Variants in SNTG2 observed in about 807,000 individuals in gnomAD.
The protein encoded by SNTG2 is syntrophin gamma 2.
Under a neutral mutation model 70.9 loss-of-function variants are expected in SNTG2, and 74 were observed. That is an observed-to-expected ratio of 1.04 (90% CI 0.86 to 1.27). SNTG2 has a LOEUF of 1.27. Ranked by LOEUF, SNTG2 falls within the 50% of genes most tolerant of loss-of-function variation. The pLI, the probability that SNTG2 is intolerant of heterozygous loss-of-function variation, is 0.00. For missense variants in SNTG2, 717 were observed against 690.7 expected, an observed-to-expected ratio of 1.04 and a Z score of -0.43; for synonymous variants, 278 against 273.8, an observed-to-expected ratio of 1.02 and a Z score of -0.15.
intron 6 of SNTG2, among the ~76,000 whole-genome samples, chr2:1,145,583 G>A (rs906316989): frequency 6.6e-6 from 1 of 152,194 alleles, no homozygotes; most frequent in African/African-American, 2.4e-5. Flanking sequence ...CAAACAGAAA[G>A]TGCCAGGCCA....
chr2:1,134,879 G>C (rs1172892452), intron 4 of SNTG2, among the ~76,000 whole-genome samples: 1 of 152,208 alleles, frequency 6.6e-6, no homozygotes, highest in African/African-American at 2.4e-5. Context: ...CGGGGAGGCA[G>C]CTAAGGCCCC....
intron 1 of SNTG2, among the ~76,000 whole-genome samples, chr2:1,017,450 A>G (rs775991808): frequency 6.6e-6 from 1 of 152,266 alleles, no homozygotes; most frequent in Non-Finnish European, 1.5e-5. Flanking sequence ...TGCAATGTGC[A>G]TGCACAAACA....
At chr2:1,059,652 T>C (rs1307624292) in intron 1 of SNTG2, among the ~76,000 whole-genome samples, 1 of 152,160 alleles carries the variant, frequency 6.6e-6, no homozygotes, top group Admixed American at 6.5e-5. Context: ...ACCTTGACAA[T>C]GGAAATATAA....
intron 9 of SNTG2, among the ~76,000 whole-genome samples, chr2:1,224,119 A>T (rs1306519742): frequency 1.3e-5 from 2 of 151,888 alleles, no homozygotes; most frequent in African/African-American, 4.8e-5. Context: ...AAGGGCACAG[A>T]CCCCGTCAGG....
At chr2:1,181,211 G>T (rs1388147895) in intron 8 of SNTG2, among the ~76,000 whole-genome samples, 1 of 132,506 alleles carries the variant, frequency 7.5e-6, no homozygotes, top group Non-Finnish European at 1.6e-5. Flanking sequence ...AAAACTTAAA[G>T]TATAATAATA....
At chr2:1,092,707 A>C (rs1665111402) in intron 2 of SNTG2, among the ~76,000 whole-genome samples, 1 of 152,244 alleles carries the variant, frequency 6.6e-6, no homozygotes, top group Non-Finnish European at 1.5e-5. Flanking sequence ...ATATGATCTT[A>C]TATACCCCCA....
In SNTG2 at chr2:1,319,345, A is replaced by G. The variant is rs143526398; in HGVS notation, c.1488+2970A>G. 6.2e-3 allele frequency among the ~76,000 whole-genome samples: 946 copies of G among 152,364 alleles called. 5 individuals are homozygous for G. Among genetic ancestry groups the G allele is most frequent in the African/African-American group, 0.021 (891 of 41,586 alleles). On this transcript the variant is annotated intron_variant, in intron 16 of 16. Transcript: ENST00000308624. The stretch of plus-strand genomic sequence containing the variant: ...GACTTGTAGTTTAAACAATTTGTGG[A>G]AATTTTTTATGAAAAAAAAATGTAA...
chr2:1,325,206 T>A (rs1301948609), intron 16 of SNTG2, among the ~76,000 whole-genome samples: 1 of 152,190 alleles, frequency 6.6e-6, no homozygotes, highest in Non-Finnish European at 1.5e-5. Context: ...AAATAGACTT[T>A]TATTGAACTT....
At chr2:1,050,531 T>G (rs550160410) in intron 1 of SNTG2, among the ~76,000 whole-genome samples, 1 of 152,314 alleles carries the variant, frequency 6.6e-6, no homozygotes, top group South Asian at 2.1e-4. Flanking sequence ...GCTATTTTCC[T>G]TGAGCAAATT....
At chr2:1,266,346 A>T (rs1027316677) in intron 13 of SNTG2, among the ~76,000 whole-genome samples, 5 of 152,118 alleles carry the variant, frequency 3.3e-5, no homozygotes, top group African/African-American at 1.2e-4. Context: ...AACCTTGCAG[A>T]TGGGGGAAAG....
intron 8 of SNTG2, among the ~76,000 whole-genome samples, chr2:1,197,403 T>G (rs952501067): frequency 1.3e-5 from 2 of 149,412 alleles, no homozygotes; most frequent in Non-Finnish European, 3.0e-5. Context: ...GATAAAAGGA[T>G]CAATTCATCA....
At chr2:1,340,351 G>A (rs1013011578) in intron 16 of SNTG2, among the ~76,000 whole-genome samples, 3 of 152,174 alleles carry the variant, frequency 2.0e-5, no homozygotes, top group Admixed American at 1.3e-4. Context: ...CCAACAGCCC[G>A]ATTACAAAAC....
chr2:1,136,694 T>A (rs1464566017), intron 4 of SNTG2, among the ~76,000 whole-genome samples: 1 of 151,874 alleles, frequency 6.6e-6, no homozygotes, highest in Admixed American at 6.5e-5. Context: ...GAAACAAACC[T>A]ATGTGAAGGC....
At chr2:1,265,118 GTTTTTC>G (rs1455524853) in intron 13 of SNTG2, among the ~76,000 whole-genome samples, 2 of 140,586 alleles carry the variant, frequency 1.4e-5, no homozygotes, top group African/African-American at 5.8e-5. Flanking sequence ...TCTTCCAAAA[GTTTTTC>G]TTTATCAGTT....
intron 9 of SNTG2, among the ~76,000 whole-genome samples, chr2:1,228,644 G>A (rs1272779931): frequency 1.1e-4 from 16 of 152,308 alleles, no homozygotes; most frequent in South Asian, 2.1e-4. Context: ...GCGCGGCCAC[G>A]GCTTCTGTTG....
At chr2:1,274,568 C>T (rs1191733661) in intron 14 of SNTG2, among the ~76,000 whole-genome samples, 2 of 152,160 alleles carry the variant, frequency 1.3e-5, no homozygotes, top group Non-Finnish European at 2.9e-5. Flanking sequence ...AGAACTTACC[C>T]TTCCACCCTC....
At chr2:1,052,455 C>A (rs947861604) in intron 1 of SNTG2, among the ~76,000 whole-genome samples, 14 of 152,128 alleles carry the variant, frequency 9.2e-5, no homozygotes, top group African/African-American at 3.4e-4. Flanking sequence ...ATAGTGGCTT[C>A]CCCCTTTCCT....
intron 4 of SNTG2, among the ~76,000 whole-genome samples, chr2:1,129,370 A>G (rs1667886356): frequency 6.6e-6 from 1 of 152,252 alleles, no homozygotes; most frequent in Non-Finnish European, 1.5e-5. Context: ...AGTGTCCATT[A>G]TGGTACATCG....
chr2:1,164,880 G>A (rs1312547974), intron 6 of SNTG2, among the ~76,000 whole-genome samples: 1 of 152,230 alleles, frequency 6.6e-6, no homozygotes, highest in African/African-American at 2.4e-5. Flanking sequence ...ATTATGGGAA[G>A]ACACAGATGC....
Sources: allele counts gnomAD v4.1 joint callset (sites outside exome capture counted in the v4.1 genomes callset), GRCh38; gene constraint gnomAD v4.1.1; transcripts MANE v1.5; gene names NCBI Gene and HGNC (gene_info 2026-07-23, HGNC 2026-07-21).